Variants in PRKCA observed in about 807,000 individuals in gnomAD.
PRKCA encodes the protein protein kinase C alpha.
PRKCA carries 27 observed loss-of-function variants against 87.0 expected under a neutral mutation model. The observed-to-expected ratio is 0.31, with a 90% CI of 0.23 to 0.43. PRKCA has a LOEUF of 0.43. Among genes scored for constraint, PRKCA ranks in the 20% least tolerant of loss-of-function variants. The pLI, the probability that PRKCA is intolerant of heterozygous loss-of-function variation, is 1.00. For synonymous variants in PRKCA, 329 were observed against 311.1 expected (o/e 1.06, Z -0.61); for missense variants, 518 against 852.3 (o/e 0.61, Z 4.88).
chr17:66,562,226 TTATATA>T (rs575278311), intron 3 of PRKCA, among the ~76,000 whole-genome samples: 2 of 131,240 alleles, frequency 1.5e-5, no homozygotes, highest in East Asian at 2.1e-4. Flanking sequence ...TTATATATAA[TTATATA>T]TATATATATC....
At chr17:66,398,822 A>G (rs537131239) in intron 2 of PRKCA, among the ~76,000 whole-genome samples, 1 of 152,214 alleles carries the variant, frequency 6.6e-6, no homozygotes, top group Non-Finnish European at 1.5e-5. Flanking sequence ...AGGTTATGCA[A>G]TTAGGATCCT....
chr17:66,657,742 A>G (rs1316366947), intron 5 of PRKCA, among the ~76,000 whole-genome samples: 3 of 151,940 alleles, frequency 2.0e-5, no homozygotes, highest in Non-Finnish European at 4.4e-5. Flanking sequence ...CTTTACTAAT[A>G]CCCAACCTCT....
chr17:66,633,458 G>T (rs1598831306), intron 3 of PRKCA, among the ~76,000 whole-genome samples: 1 of 152,176 alleles, frequency 6.6e-6, no homozygotes, highest in South Asian at 2.1e-4. Flanking sequence ...TGGCTTACAA[G>T]CATGATTCAT....
chr17:66,679,183 T>C, intron 5 of PRKCA, among the ~76,000 whole-genome samples: 1 of 150,666 alleles, frequency 6.6e-6, no homozygotes, highest in African/African-American at 2.4e-5. Flanking sequence ...CCTTTTTTTT[T>C]TTTTTTTTTT....
At chr17:66,577,316 C>T (rs1969269639) in intron 3 of PRKCA, among the ~76,000 whole-genome samples, 1 of 152,186 alleles carries the variant, frequency 6.6e-6, no homozygotes, top group Non-Finnish European at 1.5e-5. Context: ...TCACATTGGT[C>T]AAGGCCTCAT....
chr17:66,564,714 G>A (rs192269181), intron 3 of PRKCA, among the ~76,000 whole-genome samples: 37 of 152,298 alleles, frequency 2.4e-4, no homozygotes, highest in Admixed American at 2.2e-3. Context: ...GGGTGCAGTG[G>A]CTCATGCCTG....
At position 66,319,256 on chromosome 17, in the gene PRKCA, T is replaced by C. The variant is rs558172163; in HGVS notation, c.205+13129T>C. 7.2e-5 allele frequency among the ~76,000 whole-genome samples: 11 copies of C among 152,350 alleles called. No individual in the cohort carries two copies. In the South Asian group the frequency reaches 2.3e-3, roughly 32 times the overall value. On this transcript the variant is annotated intron_variant, in intron 2 of 16. Transcript: ENST00000413366. ...TTTTTGTTTAATTTTCTGAGTAATA[T>C]GACAATTGAAGTATATTGCTAATGC...
chr17:66,641,336 G>A lies in PRKCA; in HGVS notation c.289-19G>A. ...TCCTTTCATGACTAAAATGAGCATT[G>A]TGCTTCTTCTCCTCCCAGGACCCCA... On this transcript the variant is annotated intron_variant, in intron 3 of 16. Coordinates refer to ENST00000413366, the MANE Select transcript of PRKCA (RefSeq NM_002737.3). 2 of 1,584,062 alleles carry A rather than the reference G, an allele frequency of 1.3e-6. No homozygotes were observed. Among genetic ancestry groups the A allele is most frequent in the Non-Finnish European group, 1.7e-6 (2 of 1,154,904 alleles).
intron 5 of PRKCA, among the ~76,000 whole-genome samples, chr17:66,656,971 C>T (rs1020606536): frequency 6.6e-6 from 1 of 152,154 alleles, no homozygotes; most frequent in African/African-American, 2.4e-5. Context: ...AGGAATCTCC[C>T]ATTAACATGT....
chr17:66,722,518 C>T (rs1046997400), intron 8 of PRKCA, among the ~76,000 whole-genome samples: 3 of 152,218 alleles, frequency 2.0e-5, no homozygotes, highest in Admixed American at 1.3e-4. Flanking sequence ...TTGCAATATT[C>T]AGATTCATTT....
At chr17:66,785,406 C>T (rs560648983) in intron 14 of PRKCA, among the ~76,000 whole-genome samples, 10 of 152,302 alleles carry the variant, frequency 6.6e-5, no homozygotes, top group East Asian at 5.8e-4. Flanking sequence ...GTGACCTGCC[C>T]GTGTCAGCCA....
At chr17:66,438,541 T>C (rs767591291) in intron 2 of PRKCA, among the ~76,000 whole-genome samples, 1 of 152,202 alleles carries the variant, frequency 6.6e-6, no homozygotes, top group Non-Finnish European at 1.5e-5. Flanking sequence ...ACATTATTTT[T>C]AAGAACCGGT....
intron 2 of PRKCA, among the ~76,000 whole-genome samples, chr17:66,469,920 C>A (rs1169374259): frequency 1.3e-5 from 2 of 152,138 alleles, no homozygotes; most frequent in Non-Finnish European, 2.9e-5. Flanking sequence ...AAACTTAGAG[C>A]ACTGCGAAGG....
intron 2 of PRKCA, among the ~76,000 whole-genome samples, chr17:66,359,963 G>GT (rs1908291945): frequency 6.6e-6 from 1 of 152,106 alleles, no homozygotes; most frequent in African/African-American, 2.4e-5. Flanking sequence ...ATTTAGCTCT[G>GT]TTTTTATCAC....
At chr17:66,567,961 G>C (rs867863152) in intron 3 of PRKCA, among the ~76,000 whole-genome samples, 1 of 152,042 alleles carries the variant, frequency 6.6e-6, no homozygotes, top group Non-Finnish European at 1.5e-5. Flanking sequence ...ATTCTTAAAC[G>C]GATTATAAAA....
intron 2 of PRKCA, among the ~76,000 whole-genome samples, chr17:66,314,925 G>GTA (rs149554722): frequency 1.3e-4 from 19 of 151,072 alleles, no homozygotes; most frequent in African/African-American, 4.4e-4. Flanking sequence ...GTATATGTGT[G>GTA]TATATATATG....
At chr17:66,664,416 A>G (rs144611821) in intron 5 of PRKCA, among the ~76,000 whole-genome samples, 15 of 152,214 alleles carry the variant, frequency 9.9e-5, no homozygotes, top group African/African-American at 3.6e-4. Flanking sequence ...TTGGTTTAGT[A>G]CCAGGAATCA....
At chr17:66,415,255 T>A (rs1253316252) in intron 2 of PRKCA, 1 of 152,250 alleles carries the variant, frequency 6.6e-6, no homozygotes, top group African/African-American at 2.4e-5. Flanking sequence ...ATTTTTAATT[T>A]TGATACGATG....
chr17:66,341,129 C>T (rs559183635), intron 2 of PRKCA, among the ~76,000 whole-genome samples: 3 of 152,116 alleles, frequency 2.0e-5, no homozygotes, highest in African/African-American at 7.2e-5. Context: ...GATACATTGC[C>T]GAATCAAAAT....
Sources: gnomAD v4.1 joint callset for allele counts (sites outside exome capture counted in the v4.1 genomes callset) on GRCh38, gnomAD v4.1.1 for gene constraint, MANE v1.5 for transcripts, NCBI Gene and HGNC (gene_info 2026-07-23, HGNC 2026-07-21) for gene names.